CCDC3: variants seen among roughly 807,000 people sequenced by gnomAD.
The protein encoded by CCDC3 is coiled-coil domain-containing protein 3.
CCDC3 carries 24 observed loss-of-function variants against 21.4 expected under a neutral mutation model. That is an observed-to-expected ratio of 1.12 (90% CI 0.81 to 1.58). CCDC3 has a LOEUF of 1.58. CCDC3 is among the 40% of genes most tolerant of loss of function. The probability of loss-of-function intolerance (pLI) is 0.00; values close to 1 mark genes in which losing one functional copy is unlikely to be tolerated. For missense variants in CCDC3, 425 were observed against 360.9 expected (o/e 1.18, Z -1.44); for synonymous variants, 186 against 166.0 (o/e 1.12, Z -0.93).
chr10:12,997,943 G>A (rs573319127), intron 2 of CCDC3, among the ~76,000 whole-genome samples: 5 of 152,082 alleles, frequency 3.3e-5, no homozygotes, highest in Non-Finnish European at 5.9e-5. Context: ...GAAAAATCTC[G>A]TAATGTTCTA....
intron 2 of CCDC3, among the ~76,000 whole-genome samples, chr10:12,961,444 G>GA (rs796689077): frequency 1.3e-5 from 2 of 152,118 alleles, no homozygotes; most frequent in Admixed American, 1.3e-4. Context: ...GGGGTGGAGG[G>GA]AAAAAAATCT....
chr10:13,021,505 C>A (rs1836144264), intron 5 of CCDC3, among the ~76,000 whole-genome samples: 1 of 152,248 alleles, frequency 6.6e-6, no homozygotes, highest in Non-Finnish European at 1.5e-5. Context: ...TTCTCTTAGT[C>A]TGTTGCTAAA....
chr10:12,919,175 A>G (rs1834407393), intron 2 of CCDC3, among the ~76,000 whole-genome samples: 1 of 152,244 alleles, frequency 6.6e-6, no homozygotes, highest in South Asian at 2.1e-4. Context: ...TTATGTGTGT[A>G]AAGACCTAGG....
At chr10:13,069,053 C>A (rs554245776) in intron 4 of CCDC3, among the ~76,000 whole-genome samples, 2 of 152,080 alleles carry the variant, frequency 1.3e-5, no homozygotes, top group Non-Finnish European at 2.9e-5. Flanking sequence ...GTCGGGAGTT[C>A]GAGACCAGCC....
At chr10:13,070,429 G>C (rs1426692429) in intron 4 of CCDC3, among the ~76,000 whole-genome samples, 1 of 152,214 alleles carries the variant, frequency 6.6e-6, no homozygotes, top group African/African-American at 2.4e-5. Flanking sequence ...GGCTTTGACT[G>C]GAAAGGTATG....
chr10:12,998,252 A>G, intron 2 of CCDC3, 86 bp downstream of exon 2: 2 of 1,451,438 alleles, frequency 1.4e-6, no homozygotes, highest in South Asian at 1.3e-5. Flanking sequence ...TTGGAAGAGT[A>G]TTCTTGATTC....
At chr10:13,002,658 G>A (rs1027349490), upstream of CCDC3, among the ~76,000 whole-genome samples, 2 of 152,138 alleles carry the variant, frequency 1.3e-5, no homozygotes, top group Non-Finnish European at 2.9e-5. Flanking sequence ...GAACTTTCAG[G>A]CGTGAGCCCC....
At chr10:13,011,700 T>C (rs957515164) in intron 5 of CCDC3, among the ~76,000 whole-genome samples, 1 of 152,176 alleles carries the variant, frequency 6.6e-6, no homozygotes, top group South Asian at 2.1e-4. Context: ...GAAAAGACTA[T>C]TCCAAAATGT....
At chr10:12,904,093 C>T (rs1261681873) in intron 2 of CCDC3, among the ~76,000 whole-genome samples, 2 of 152,072 alleles carry the variant, frequency 1.3e-5, no homozygotes, top group East Asian at 3.9e-4. Flanking sequence ...CTGTACACTT[C>T]CCGTGAGTAT....
chr10:12,912,655 T>C (rs55952034), intron 2 of CCDC3, among the ~76,000 whole-genome samples: 24,615 of 152,246 alleles, frequency 0.16, 2,362 homozygotes, highest in Non-Finnish European at 0.22. Flanking sequence ...TAGTTGCTTA[T>C]GCTTTTGTGG....
intron 5 of CCDC3, among the ~76,000 whole-genome samples, chr10:13,030,136 A>T (rs994219609): frequency 6.6e-6 from 1 of 152,244 alleles, no homozygotes; most frequent in African/African-American, 2.4e-5. Flanking sequence ...GACTAACAGC[A>T]GATCTCTCAG....
At chr10:12,911,568 T>C (rs1031185255) in intron 2 of CCDC3, among the ~76,000 whole-genome samples, 5 of 149,862 alleles carry the variant, frequency 3.3e-5, no homozygotes, top group Non-Finnish European at 7.4e-5. Flanking sequence ...ATATTTAAAT[T>C]GACAAAATTT....
chr10:12,958,496 C>T (rs1835128918), intron 2 of CCDC3, among the ~76,000 whole-genome samples: 1 of 152,202 alleles, frequency 6.6e-6, no homozygotes, highest in African/African-American at 2.4e-5. Context: ...AAGCCAAACG[C>T]ATCCTCCCTG....
intron 3 of CCDC3, among the ~76,000 whole-genome samples, chr10:13,086,787 C>T (rs1837117009): frequency 6.6e-6 from 1 of 152,186 alleles, no homozygotes; most frequent in African/African-American, 2.4e-5. Flanking sequence ...GAATTCAATC[C>T]TAGTTTTCAA....
chr10:12,997,857 T>C (rs1433751221), intron 2 of CCDC3, among the ~76,000 whole-genome samples: 2 of 152,180 alleles, frequency 1.3e-5, no homozygotes, highest in Non-Finnish European at 2.9e-5. Flanking sequence ...TGGGCCCCAT[T>C]GGAAGAAGAA....
At chr10:12,989,652 T>C (rs1835651375) in intron 2 of CCDC3, among the ~76,000 whole-genome samples, 1 of 152,000 alleles carries the variant, frequency 6.6e-6, no homozygotes, top group African/African-American at 2.4e-5. Flanking sequence ...TAACTCCTGA[T>C]CTCAAGTGAT....
At chr10:12,959,116 G>T (rs1017069638) in intron 2 of CCDC3, among the ~76,000 whole-genome samples, 1 of 151,528 alleles carries the variant, frequency 6.6e-6, no homozygotes, top group Admixed American at 6.6e-5. Context: ...GTCCACTGCA[G>T]ACCAGCAATG....
chr10:13,079,921 AAAAG>A (rs1262975172), intron 3 of CCDC3, among the ~76,000 whole-genome samples: 1 of 152,236 alleles, frequency 6.6e-6, no homozygotes, highest in African/African-American at 2.4e-5. Context: ...CGAGGTTAAA[AAAAG>A]AAAGGGAACT....
intron 5 of CCDC3, among the ~76,000 whole-genome samples, chr10:13,033,198 C>A (rs552853043): frequency 6.6e-6 from 1 of 152,220 alleles, no homozygotes; most frequent in South Asian, 2.1e-4. Flanking sequence ...ACATCTACAA[C>A]CATCTGATCT....
Sources: allele counts gnomAD v4.1 joint callset (sites outside exome capture counted in the v4.1 genomes callset), GRCh38; gene constraint gnomAD v4.1.1; transcripts MANE v1.5; gene names NCBI Gene and HGNC (gene_info 2026-07-23, HGNC 2026-07-21).